The following CACNA1C variants were observed in gnomAD, a reference collection of about 807,000 sequenced individuals.
The protein encoded by CACNA1C is voltage-dependent L-type calcium channel subunit alpha-1C.
A neutral mutation model predicts 229.0 loss-of-function variants in CACNA1C; 30 were observed. The observed-to-expected ratio is 0.13, with a 90% confidence interval of 0.10 to 0.18. The LOEUF (loss-of-function observed/expected upper bound fraction) is 0.18, where lower values mean the gene tolerates loss of function less well. Ranked by LOEUF, CACNA1C falls within the 10% of genes least tolerant of loss-of-function variation. CACNA1C has a pLI of 1.00. For missense variants in CACNA1C, 1,658 were observed against 2,845.0 expected (o/e 0.58, Z 9.49); for synonymous variants, 1,114 against 1,132.5 (o/e 0.98, Z 0.33).
At chr12:2,026,566 G>A (rs2047364943) in intron 1 of CACNA1C, among the ~76,000 whole-genome samples, 1 of 152,206 alleles carries the variant, frequency 6.6e-6, no homozygotes, top group Admixed American at 6.5e-5. Context: ...CACTGAAAAT[G>A]AGTAATTGGA....
chr12:2,578,032 C>A (rs1473194873), intron 13 of CACNA1C, among the ~76,000 whole-genome samples: 4 of 151,476 alleles, frequency 2.6e-5, no homozygotes, highest in African/African-American at 9.7e-5. Flanking sequence ...CCACACCCGG[C>A]TAATTTTTTG....
At chr12:2,121,876 A>T (rs1565827367) in intron 3 of CACNA1C, among the ~76,000 whole-genome samples, 2 of 152,200 alleles carry the variant, frequency 1.3e-5, no homozygotes, top group Admixed American at 6.5e-5. Flanking sequence ...TTCCACATAG[A>T]ATCCGTATCT....
chr12:2,055,664 A>G (rs576546649), intron 1 of CACNA1C, among the ~76,000 whole-genome samples: 106 of 152,304 alleles, frequency 7.0e-4, no homozygotes, highest in African/African-American at 2.4e-3. Flanking sequence ...TGAGAGCTCT[A>G]CCTTTCCAGC....
intron 3 of CACNA1C, among the ~76,000 whole-genome samples, chr12:2,394,638 C>T (rs2098541218): frequency 6.6e-6 from 1 of 152,130 alleles, no homozygotes; most frequent in Non-Finnish European, 1.5e-5. Context: ...CCAAAGGGGT[C>T]TTCAGAAGTG....
chr12:2,512,694 A>C lies in CACNA1C; in HGVS notation c.1218-118A>C. The C allele has an allele frequency of 1.3e-6, 1 of 784,038 alleles. No homozygotes were observed. The allele number at this position is 784,038 out of a possible 1,614,324, so 48.6% of individuals were successfully genotyped here. A position where few individuals can be genotyped will look rare whatever the true frequency, so the allele number is the denominator to read the frequency against. On this transcript the variant is annotated intron_variant, in intron 8 of 46. Transcript: ENST00000399655. This position sits in a 1 kb window ranked among gnomAD's most constrained non-coding sequence, Gnocchi z 4.3. ...GGCGTGTGGGCAGGTTTCTCCCTGC[A>C]AAGCAATTAAGACTCTTGTTTCTCC...
intron 1 of CACNA1C, among the ~76,000 whole-genome samples, chr12:2,003,852 A>G (rs958097814): frequency 6.6e-6 from 1 of 152,000 alleles, no homozygotes; most frequent in Non-Finnish European, 1.5e-5. Flanking sequence ...CCCATCTAAG[A>G]CTGACATTCC....
chr12:2,330,590 G>A (rs1308282063), intron 3 of CACNA1C, among the ~76,000 whole-genome samples: 1 of 152,202 alleles, frequency 6.6e-6, no homozygotes, highest in Non-Finnish European at 1.5e-5. Flanking sequence ...CAAGTGCTTA[G>A]CCAGGATGCT....
intron 3 of CACNA1C, among the ~76,000 whole-genome samples, chr12:2,301,200 G>A (rs1181151812): frequency 6.6e-6 from 1 of 152,194 alleles, no homozygotes; most frequent in Non-Finnish European, 1.5e-5. Context: ...GTTGGGTGGG[G>A]TGTAGGCGAC....
At chr12:2,025,536 C>T (rs988759177) in intron 1 of CACNA1C, among the ~76,000 whole-genome samples, 3 of 152,150 alleles carry the variant, frequency 2.0e-5, no homozygotes, top group Non-Finnish European at 4.4e-5. Context: ...GCCCATTTTA[C>T]TTTTAGCCTC....
chr12:2,478,437 C>T (rs890949282), intron 5 of CACNA1C, among the ~76,000 whole-genome samples: 2 of 152,184 alleles, frequency 1.3e-5, no homozygotes, highest in Non-Finnish European at 2.9e-5. Context: ...AATGCAAACT[C>T]ATTCCCCACC....
intron 1 of CACNA1C, among the ~76,000 whole-genome samples, chr12:2,002,767 C>T (rs900179995): frequency 5.3e-5 from 8 of 152,186 alleles, no homozygotes; most frequent in African/African-American, 1.9e-4. Context: ...TAACATTATA[C>T]CTTTAGCATT....
At chr12:2,355,574 C>T (rs1367579483) in intron 3 of CACNA1C, among the ~76,000 whole-genome samples, 1 of 152,204 alleles carries the variant, frequency 6.6e-6, no homozygotes. Flanking sequence ...TAGGCCCAGC[C>T]CAAATGTCAC....
chr12:2,435,063 A>G (rs1419514133), intron 3 of CACNA1C, among the ~76,000 whole-genome samples: 10 of 152,182 alleles, frequency 6.6e-5, no homozygotes, highest in Non-Finnish European at 1.2e-4. Flanking sequence ...GCTGGAGTTT[A>G]GACCTCACCT....
intron 1 of CACNA1C, among the ~76,000 whole-genome samples, chr12:1,972,830 AAGGG>A (rs1450949014): frequency 2.0e-5 from 3 of 152,048 alleles, no homozygotes; most frequent in South Asian, 2.1e-4. Flanking sequence ...ATCAGTGAGG[AAGGG>A]AGGGAGGGAG....
intron 3 of CACNA1C, among the ~76,000 whole-genome samples, chr12:2,254,466 A>G (rs751702203): frequency 2.0e-4 from 31 of 152,100 alleles, no homozygotes; most frequent in Non-Finnish European, 3.8e-4. Context: ...TCCTCTTAGT[A>G]TGAGAACGAA....
intron 2 of CACNA1C, among the ~76,000 whole-genome samples, chr12:2,116,371 CTTT>C (rs869196313): frequency 5.1e-5 from 7 of 136,786 alleles, no homozygotes; most frequent in Non-Finnish European, 8.0e-5. Context: ...TTGGGAAGGA[CTTT>C]TTTTTTTTTT....
chr12:2,245,335 C>T (rs2154378811), intron 3 of CACNA1C, among the ~76,000 whole-genome samples: 1 of 152,306 alleles, frequency 6.6e-6, no homozygotes, highest in South Asian at 2.1e-4. Flanking sequence ...CACATGCATG[C>T]TTGCTTAGCC....
chr12:2,107,578 G>C (rs1437258559), intron 1 of CACNA1C, among the ~76,000 whole-genome samples: 1 of 152,274 alleles, frequency 6.6e-6, no homozygotes, highest in Non-Finnish European at 1.5e-5. Context: ...GCTTAGGCTG[G>C]AGGGGAATGC....
At position 2,611,965 on chromosome 12, in the gene CACNA1C, C is replaced by T. The variant is rs201258230; in HGVS notation, c.3780C>T (p.Gly1260=). ...ACATCCTCAACATGCTCTTCACTGG[C>T]CTCTTCACCGTGGAGATGATCCTGA... ...AMNILNMLFT[G]LFTVEMILKL... is the part of the protein sequence containing the mutation. Residue 1260 remains glycine (G), a synonymous_variant, in exon 29 of 47, where the codon GGC becomes GGT. Transcript: ENST00000399655. 6.2e-7 allele frequency: 1 copy of T among 1,613,528 alleles called. No homozygotes were observed. Among genetic ancestry groups the T allele is most frequent in the East Asian group, 2.2e-5 (1 of 44,868 alleles).
Sources: allele counts gnomAD v4.1 joint callset (sites outside exome capture counted in the v4.1 genomes callset), GRCh38; gene constraint gnomAD v4.1.1; non-coding constraint Gnocchi (gnomAD v3.1); transcripts MANE v1.5; gene names NCBI Gene and HGNC (gene_info 2026-07-23, HGNC 2026-07-21).